The following LTO1 variants were observed in gnomAD, a reference collection of about 807,000 sequenced individuals.
The protein encoded by LTO1 is protein LTO1 homolog.
Under a neutral mutation model 19.8 loss-of-function variants are expected in LTO1, and 18 were observed. The ratio of observed to expected loss-of-function variants is 0.91; its 90% CI spans 0.63 to 1.35. The LOEUF is 1.35. Among genes scored for constraint, LTO1 ranks in the 40% most tolerant of loss-of-function variants. The pLI, the probability that LTO1 is intolerant of heterozygous loss-of-function variation, is 0.00. For synonymous variants in LTO1, 59 were observed against 59.6 expected, an observed-to-expected ratio of 0.99 and a Z score of 0.05; for missense variants, 175 against 167.9, an observed-to-expected ratio of 1.04 and a Z score of -0.23.
At position 69,667,186 on chromosome 11, in the gene LTO1, C is replaced by T. The variant is rs564624487; in HGVS notation, c.*333G>A. On this transcript the variant is annotated 3_prime_UTR_variant, in exon 5 of 5. Coordinates refer to ENST00000279147, the MANE Select transcript of LTO1 (RefSeq NM_153451.3). ...AATAATAAAAATAACTGCCTTCAGT[C>T]CAGGCCTGGTGACTGACCCTATCCA... The T allele has an allele frequency of 4.0e-5, 13 of 322,592 alleles. No homozygotes were observed. In the East Asian group the frequency reaches 7.3e-4, roughly 18 times the overall value. 20.0% of individuals were successfully genotyped at this position (322,592 alleles called of 1,614,324 possible).
In LTO1 at chr11:69,673,206, T is replaced by A; in HGVS notation, c.156+10A>T. On this transcript the variant is annotated intron_variant, in intron 2 of 4. Coordinates refer to ENST00000279147, the MANE Select transcript of LTO1 (RefSeq NM_153451.3). ...AGAGGCTTCATCTCCAGATGGGGGT[T>A]CCCACTTACCTCAGACCCGATTTTG... is the stretch of plus-strand genomic sequence containing the variant. The A allele has an allele frequency of 6.8e-7, 1 of 1,469,030 alleles. No individual in the cohort carries two copies. Among genetic ancestry groups the A allele is most frequent in the Non-Finnish European group, 9.5e-7 (1 of 1,047,294 alleles). 91.0% of individuals were successfully genotyped at this position (1,469,030 alleles called of 1,614,324 possible).
At chr11:69,674,271 A>ACCT (rs1856155535) in intron 1 of LTO1, among the ~76,000 whole-genome samples, 1 of 152,198 alleles carries the variant, frequency 6.6e-6, no homozygotes, top group Admixed American at 6.5e-5. Flanking sequence ...AAAAAACTGC[A>ACCT]ACATACACAG....
At chr11:69,670,127 G>A (rs561254421) in intron 3 of LTO1, among the ~76,000 whole-genome samples, 6 of 152,288 alleles carry the variant, frequency 3.9e-5, no homozygotes, top group South Asian at 4.1e-4. Flanking sequence ...GGATGAGGGC[G>A]GCTGCGAGGG....
At chr11:69,674,302 G>C (rs1856156120) in intron 1 of LTO1, among the ~76,000 whole-genome samples, 1 of 152,168 alleles carries the variant, frequency 6.6e-6, no homozygotes, top group Admixed American at 6.5e-5. Flanking sequence ...CACATGGGTA[G>C]GGCAACAGAG....
Position 69,668,634 on chromosome 11 carries a change from G to A in LTO1, c.228-622C>T, listed in dbSNP as rs141864609. ...GCTGGCCTCATCTGTAAAATGGGGG[G>A]CATCCCAGCCTCCAGATGGTGAGAA... is the stretch of plus-strand genomic sequence containing the variant. On this transcript the variant is annotated intron_variant, in intron 3 of 4. Coordinates refer to ENST00000279147, the MANE Select transcript of LTO1 (RefSeq NM_153451.3). 4.7e-3 allele frequency among the ~76,000 whole-genome samples: 719 copies of A among 151,824 alleles called. 2 individuals carry two copies. The highest frequency in any genetic ancestry group is 0.017 in the African/African-American group (694 of 41,374).
intron 1 of LTO1, chr11:69,674,519 G>A: frequency 5.9e-6 from 2 of 340,848 alleles, no homozygotes; most frequent in South Asian, 4.6e-5. Context: ...CTCCTAGTCT[G>A]TAAATTCCGA....
At chr11:69,673,637 C>T (rs1856144270) in intron 1 of LTO1, among the ~76,000 whole-genome samples, 1 of 151,536 alleles carries the variant, frequency 6.6e-6, no homozygotes, top group Admixed American at 6.6e-5. Flanking sequence ...GCCTCACCCC[C>T]AGAGATTCAG....
In LTO1 at chr11:69,667,454, G is replaced by C. The variant is rs1207569591; in HGVS notation, c.*65C>G. 9.2e-7 allele frequency: 1 copy of C among 1,088,812 alleles called. No individual in the cohort carries two copies. The highest frequency in any genetic ancestry group is 1.5e-5 in the African/African-American group (1 of 64,722). 67.4% of individuals were successfully genotyped at this position (1,088,812 alleles called of 1,614,324 possible). A position where few individuals can be genotyped will look rare whatever the true frequency, so the allele number is the denominator to read the frequency against. ...TCCCAGCACCGTCTGGCCCTTCACCGCATTTCTAAACACGTCACACACACA... is the reference window on the plus strand; with the variant it reads ...TCCCAGCACCGTCTGGCCCTTCACCCCATTTCTAAACACGTCACACACACA... On this transcript the variant is annotated 3_prime_UTR_variant, in exon 5 of 5. Coordinates refer to ENST00000279147, the MANE Select transcript of LTO1 (RefSeq NM_153451.3).
chr11:69,666,978 C>T lies in LTO1; in HGVS notation c.*541G>A, dbSNP rs75343943. 0.033 allele frequency: 5,088 copies of T among 152,788 alleles called. 305 individuals carry two copies. Among genetic ancestry groups the T allele is most frequent in the African/African-American group, 0.12 (4,873 of 41,520 alleles). The allele number at this position is 152,788 out of a possible 1,614,324, so 9.5% of individuals were successfully genotyped here. A position where few individuals can be genotyped will look rare whatever the true frequency, so the allele number is the denominator to read the frequency against. On this transcript the variant is annotated 3_prime_UTR_variant, in exon 5 of 5. Coordinates refer to ENST00000279147, the MANE Select transcript of LTO1 (RefSeq NM_153451.3). Reference sequence around the variant, plus strand: ...CAGGCAATCCCTTCGCGTCTCCCCTCCCTCCTCTGTAAAATGAGAATAACA... The same window carrying T: ...CAGGCAATCCCTTCGCGTCTCCCCTTCCTCCTCTGTAAAATGAGAATAACA...
At chr11:69,672,634 G>C (rs1049822873) in intron 2 of LTO1, 1 of 173,772 alleles carries the variant, frequency 5.8e-6, no homozygotes, top group Non-Finnish European at 1.3e-5. Flanking sequence ...CCAGCACCAT[G>C]ACACTCCCAA....
At chr11:69,674,364 G>A (rs1000343924) in intron 1 of LTO1, among the ~76,000 whole-genome samples, 2 of 152,214 alleles carry the variant, frequency 1.3e-5, no homozygotes, top group South Asian at 4.1e-4. Flanking sequence ...ACCCGGAGTA[G>A]CACTGACCCT....
At chr11:69,675,146 G>A (rs748291039) in intron 1 of LTO1, 44 bp downstream of exon 1, 10 of 1,575,860 alleles carry the variant, frequency 6.3e-6, no homozygotes, top group Admixed American at 3.5e-5. Context: ...GCCGCTGGGA[G>A]ACGACCAGAC....
chr11:69,675,141 T>C lies in LTO1; in HGVS notation c.50+49A>G, dbSNP rs763698076. 12 of 1,561,860 alleles carry C rather than the reference T, an allele frequency of 7.7e-6. 1 individual carries two copies. In the South Asian group the frequency reaches 1.1e-4, roughly 15 times the overall value. On this transcript the variant is annotated intron_variant, in intron 1 of 4. Coordinates refer to ENST00000279147, the MANE Select transcript of LTO1 (RefSeq NM_153451.3). ...GGGCCGCAGCCGGCGGCGAAGCCGC[T>C]GGGAGACGACCAGACAGGGCGGGGT...
chr11:69,669,030 A>T (rs1192369368), intron 3 of LTO1, among the ~76,000 whole-genome samples: 1 of 112,242 alleles, frequency 8.9e-6, no homozygotes, highest in African/African-American at 9.9e-5. Context: ...TCCGTCTCAA[A>T]AAAAAAAAAA....
rs1276859526 is a variant in LTO1 at position 69,667,449 on chromosome 11, T to C, written c.*70A>G. ...TGCCTTCCCAGCACCGTCTGGCCCTTCACCGCATTTCTAAACACGTCACAC... is the reference window on the plus strand; with the variant it reads ...TGCCTTCCCAGCACCGTCTGGCCCTCCACCGCATTTCTAAACACGTCACAC... On this transcript the variant is annotated 3_prime_UTR_variant, in exon 5 of 5. Coordinates refer to ENST00000279147, the MANE Select transcript of LTO1 (RefSeq NM_153451.3). The C allele has an allele frequency of 1.9e-6, 2 of 1,041,618 alleles. No homozygotes were observed. The highest frequency in any genetic ancestry group is 3.0e-6 in the Non-Finnish European group (2 of 660,266). The allele number at this position is 1,041,618 out of a possible 1,614,324, so 64.5% of individuals were successfully genotyped here. A position where few individuals can be genotyped will look rare whatever the true frequency, so the allele number is the denominator to read the frequency against.
At chr11:69,673,064 A>G (rs1856132607) in intron 2 of LTO1, 152 bp downstream of exon 2, 1 of 693,788 alleles carries the variant, frequency 1.4e-6, no homozygotes, top group South Asian at 1.5e-5. Context: ...CAGACTCCCA[A>G]AGTGCTGGGA....
intron 1 of LTO1, 42 bp downstream of exon 1, chr11:69,675,148 C>T: frequency 6.3e-7 from 1 of 1,578,078 alleles, no homozygotes; most frequent in Non-Finnish European, 8.7e-7. Context: ...CGCTGGGAGA[C>T]GACCAGACAG....
intron 3 of LTO1, among the ~76,000 whole-genome samples, chr11:69,670,050 C>T (rs1202673228): frequency 6.6e-6 from 1 of 151,514 alleles, no homozygotes; most frequent in African/African-American, 2.4e-5. Flanking sequence ...AAGATCTAAA[C>T]ATCCATGAAC....
At chr11:69,668,960 G>C (rs1344120519) in intron 3 of LTO1, among the ~76,000 whole-genome samples, 1 of 151,176 alleles carries the variant, frequency 6.6e-6, no homozygotes, top group Non-Finnish European at 1.5e-5. Flanking sequence ...CCTGGGAGGT[G>C]GAGGTTGCAG....
Sources: gnomAD v4.1 joint callset for allele counts (sites outside exome capture counted in the v4.1 genomes callset) on GRCh38, gnomAD v4.1.1 for gene constraint, MANE v1.5 for transcripts, NCBI Gene and HGNC (gene_info 2026-07-23, HGNC 2026-07-21) for gene names.